LMX1B: variants seen among roughly 807,000 people sequenced by gnomAD.
LMX1B encodes the protein LIM homeobox transcription factor 1-beta.
In LMX1B, 12 loss-of-function variants were observed where a neutral mutation model predicts 51.4. The observed-to-expected ratio is 0.23, with a 90% CI of 0.15 to 0.38. LMX1B has a LOEUF of 0.38. Among genes scored for constraint, LMX1B ranks in the 10% least tolerant of loss-of-function variants. The pLI, the probability that LMX1B is intolerant of heterozygous loss-of-function variation, is 1.00. For missense variants in LMX1B, 445 were observed against 571.1 expected (o/e 0.78, Z 2.25); for synonymous variants, 237 against 235.4 (o/e 1.01, Z -0.06).
chr9:126,666,687 C>T (rs1052167513), intron 2 of LMX1B, among the ~76,000 whole-genome samples: 2 of 152,190 alleles, frequency 1.3e-5, no homozygotes, highest in African/African-American at 4.8e-5. Context: ...CAGGGCTGCC[C>T]TGTCCTGTTG....
intron 2 of LMX1B, among the ~76,000 whole-genome samples, chr9:126,685,336 G>A (rs1836750764): frequency 6.6e-6 from 1 of 152,122 alleles, no homozygotes; most frequent in Admixed American, 6.5e-5. Context: ...CACGGGGTGG[G>A]TGGGGCCTTG....
intron 2 of LMX1B, among the ~76,000 whole-genome samples, chr9:126,648,756 G>T (rs1055859447): frequency 3.0e-4 from 45 of 152,288 alleles, no homozygotes; most frequent in Admixed American, 1.6e-3. Context: ...GGCACCAGGG[G>T]TGGCAAGGCT....
rs1017279891 is a variant in LMX1B at position 126,625,926 on chromosome 9, C to T, written c.326+10357C>T. On this transcript the variant is annotated intron_variant, in intron 2 of 7. Coordinates refer to ENST00000373474, the MANE Select transcript of LMX1B (RefSeq NM_001174147.2). This position sits in a 1 kb window ranked among gnomAD's most constrained non-coding sequence, Gnocchi z 5.3. ...CCTCGGCGCAGTGGGGAGCCGCGGGCGTCGGAGAAGCGGCCGCGCTGTTCC... is the reference window on the plus strand; with the variant it reads ...CCTCGGCGCAGTGGGGAGCCGCGGGTGTCGGAGAAGCGGCCGCGCTGTTCC... Among the ~76,000 whole-genome samples the T allele has an allele frequency of 2.6e-5, 4 of 152,194 alleles. No individual in the cohort carries two copies. Among genetic ancestry groups the T allele is most frequent in the African/African-American group, 9.6e-5 (4 of 41,452 alleles).
At chr9:126,632,967 C>T (rs990373182) in intron 2 of LMX1B, among the ~76,000 whole-genome samples, 8 of 152,244 alleles carry the variant, frequency 5.3e-5, no homozygotes, top group South Asian at 2.1e-4. Flanking sequence ...GCCCCGCAGG[C>T]GAGCCCCCAG....
rs146424259 is a variant in LMX1B at position 126,696,030 on chromosome 9, G to T, written c.1051+27G>T. 4 of 694,716 alleles carry T rather than the reference G, an allele frequency of 5.8e-6. No homozygotes were observed. The Admixed American group carries it at 1.8e-4, about 32-fold the overall frequency. The allele number at this position is 694,716 out of a possible 1,614,324, so 43.0% of individuals were successfully genotyped here. A position where few individuals can be genotyped will look rare whatever the true frequency, so the allele number is the denominator to read the frequency against. ...TAAGCCGCCCTACCCCCACCCGCCC[G>T]CCCCAGCACAGCCCCTGCCCCCTGC... On this transcript the variant is annotated intron_variant, in intron 7 of 7. Transcript: ENST00000373474.
rs1021808078 is a variant in LMX1B at position 126,690,056 on chromosome 9, G to A, written c.327-780G>A. ...GCCAAAGGACAGAGAAAGATGGGTC[G>A]AAAGATGGCTGCCATGATAGTGCTC... On this transcript the variant is annotated intron_variant, in intron 2 of 7. Coordinates refer to ENST00000373474, the MANE Select transcript of LMX1B (RefSeq NM_001174147.2). Among the ~76,000 whole-genome samples the A allele has an allele frequency of 5.3e-5, 8 of 152,186 alleles. No individual in the cohort carries two copies. In the East Asian group the frequency reaches 9.6e-4, roughly 18 times the overall value.
chr9:126,645,469 G>C (rs953179552), intron 2 of LMX1B, among the ~76,000 whole-genome samples: 4 of 152,234 alleles, frequency 2.6e-5, no homozygotes, highest in Admixed American at 6.5e-5. Context: ...CTTCTTGCAA[G>C]GGACATCGTT....
At position 126,673,093 on chromosome 9, in the gene LMX1B, G is replaced by C. The variant is rs1026762998; in HGVS notation, c.327-17743G>C. ...TTTGTAGCTGTGAGGCTTGGCACAAGGCTCAGTTTTCTCATCTGAGAAATG... is the reference window on the plus strand; with the variant it reads ...TTTGTAGCTGTGAGGCTTGGCACAACGCTCAGTTTTCTCATCTGAGAAATG... On this transcript the variant is annotated intron_variant, in intron 2 of 7. Coordinates refer to ENST00000373474, the MANE Select transcript of LMX1B (RefSeq NM_001174147.2). The surrounding 1 kb of genome is among the most constrained non-coding windows in gnomAD (Gnocchi z 4.4). Among the ~76,000 whole-genome samples the C allele has an allele frequency of 6.6e-6, 1 of 152,226 alleles. No homozygotes were observed. The highest frequency in any genetic ancestry group is 2.4e-5 in the African/African-American group (1 of 41,468).
intron 4 of LMX1B, 24 bp downstream of exon 4, chr9:126,693,347 G>C (rs772923891): frequency 4.4e-6 from 7 of 1,579,870 alleles, no homozygotes; most frequent in Admixed American, 3.6e-5. Context: ...GGGGGGCGGG[G>C]CTCAGGCTGA....
chr9:126,621,529 G>A (rs906200894), intron 2 of LMX1B, among the ~76,000 whole-genome samples: 2 of 152,174 alleles, frequency 1.3e-5, no homozygotes, highest in Non-Finnish European at 2.9e-5. Context: ...AGTGGCAGAC[G>A]TTTGCCATTT....
At chr9:126,644,476 A>G (rs1044273736) in intron 2 of LMX1B, among the ~76,000 whole-genome samples, 1 of 152,142 alleles carries the variant, frequency 6.6e-6, no homozygotes. Flanking sequence ...GGACGGGGGT[A>G]GGGAGTGCCC....
intron 2 of LMX1B, among the ~76,000 whole-genome samples, chr9:126,620,323 A>G (rs967180458): frequency 2.6e-5 from 4 of 152,194 alleles, no homozygotes; most frequent in African/African-American, 9.7e-5. Context: ...CCCAAGTCTT[A>G]GCAGCTGTGT....
rs1205075561 is a variant in LMX1B at position 126,677,491 on chromosome 9, A to G, written c.327-13345A>G. The stretch of plus-strand genomic sequence containing the variant: ...TATCAGGCTCCCAAATCTCTGGGTC[A>G]TTTGCTTCCCAGTCCCCAACTACCT... On this transcript the variant is annotated intron_variant, in intron 2 of 7. Coordinates refer to ENST00000373474, the MANE Select transcript of LMX1B (RefSeq NM_001174147.2). The surrounding 1 kb of genome is among the most constrained non-coding windows in gnomAD (Gnocchi z 5.0). Among the ~76,000 whole-genome samples, 1 of 152,180 alleles carries G rather than the reference A, an allele frequency of 6.6e-6. No individual in the cohort carries two copies. The highest frequency in any genetic ancestry group is 1.5e-5 in the Non-Finnish European group (1 of 68,028).
intron 2 of LMX1B, among the ~76,000 whole-genome samples, chr9:126,654,907 C>T (rs1248533357): frequency 6.6e-6 from 1 of 152,224 alleles, no homozygotes; most frequent in African/African-American, 2.4e-5. Context: ...TCCACTGGAC[C>T]TGGGCTCCCA....
At chr9:126,649,686 C>T (rs181416132) in intron 2 of LMX1B, among the ~76,000 whole-genome samples, 279 of 152,294 alleles carry the variant, frequency 1.8e-3, no homozygotes, top group African/African-American at 6.3e-3. Context: ...AGTGCAGTGG[C>T]GCAGTCTTGG....
rs1835801271 is a variant in LMX1B, at chr9:126,641,158, G to A, written c.326+25589G>A. ...TGTGGGAAACAGCCTTGGGCCTTCTGGGGAGGTCTGTGCAGGCTCCTCTGG... is the reference window on the plus strand; with the variant it reads ...TGTGGGAAACAGCCTTGGGCCTTCTAGGGAGGTCTGTGCAGGCTCCTCTGG... On this transcript the variant is annotated intron_variant, in intron 2 of 7. Transcript: ENST00000373474. The surrounding 1 kb of genome is among the most constrained non-coding windows in gnomAD (Gnocchi z 4.1). The A allele has an allele frequency of 6.6e-6, 1 of 152,304 alleles. No individual in the cohort carries two copies. Among genetic ancestry groups the A allele is most frequent in the African/African-American group, 2.4e-5 (1 of 41,464 alleles). 9.4% of individuals were successfully genotyped at this position (152,304 alleles called of 1,614,324 possible). A position where few individuals can be genotyped will look rare whatever the true frequency, so the allele number is the denominator to read the frequency against.
rs1419868822 is a variant in LMX1B, at chr9:126,677,770, G to A, written c.327-13066G>A. 6.6e-6 allele frequency among the ~76,000 whole-genome samples: 1 copy of A among 152,212 alleles called. No individual in the cohort carries two copies. Among genetic ancestry groups the A allele is most frequent in the East Asian group, 1.9e-4 (1 of 5,198 alleles). On this transcript the variant is annotated intron_variant, in intron 2 of 7. Transcript: ENST00000373474. The surrounding 1 kb of genome is among the most constrained non-coding windows in gnomAD (Gnocchi z 5.0). ...AGCCTGCGTTCAAACATTCGAGCAG[G>A]AGCACAGGGCATGTACTCAGGGCAT...
intron 2 of LMX1B, among the ~76,000 whole-genome samples, chr9:126,636,710 G>T (rs191829570): frequency 7.2e-5 from 11 of 152,134 alleles, no homozygotes; most frequent in Admixed American, 2.0e-4. Context: ...TGTGTAGGGG[G>T]TGTCAGGGAC....
In LMX1B at chr9:126,695,947, C is replaced by T; in HGVS notation, c.995C>T (p.Pro332Leu). The part of the protein sequence containing the change: ...MEQSPYGSSD[P>L]FQQGLTPPQM... Reference sequence around the variant, plus strand: ...CAGAGCCCCTACGGCAGCAGCGACCCCTTCCAGCAGGGCCTCACGCCGCCC... The same window carrying T: ...CAGAGCCCCTACGGCAGCAGCGACCTCTTCCAGCAGGGCCTCACGCCGCCC... The change falls in exon 7 of 8, where the codon CCC becomes CTC. Residue 332 changes from proline to leucine, a missense_variant. By Grantham distance (98) the Pro-to-Leu change is moderately conservative. This residue lies in a region of LMX1B where 162 missense variants were observed against 187.8 expected (regional missense o/e 0.86). Transcript: ENST00000373474. This position sits in a 1 kb window ranked among gnomAD's most constrained non-coding sequence, Gnocchi z 5.2. 1.2e-6 allele frequency: 2 copies of T among 1,613,212 alleles called. No individual in the cohort carries two copies. The highest frequency in any genetic ancestry group is 1.3e-5 in the African/African-American group (1 of 74,952).
Sources: gnomAD v4.1 joint callset for allele counts (sites outside exome capture counted in the v4.1 genomes callset) on GRCh38, gnomAD v4.1.1 for gene constraint, gnomAD v4.1.1 regional missense constraint, Gnocchi (gnomAD v3.1) non-coding constraint, MANE v1.5 for transcripts, NCBI Gene and HGNC (gene_info 2026-07-23, HGNC 2026-07-21) for gene names.